The following FGGY variants were observed in gnomAD, a reference collection of about 807,000 sequenced individuals.
The protein encoded by FGGY is FGGY carbohydrate kinase domain-containing protein.
FGGY carries 72 observed loss-of-function variants against 71.3 expected under a neutral mutation model. The ratio of observed to expected loss-of-function variants is 1.01; its 90% CI spans 0.84 to 1.23. FGGY has a LOEUF of 1.23. FGGY is among the 50% of genes most tolerant of loss of function. FGGY has a pLI of 0.00. For missense variants in FGGY, 668 were observed against 682.3 expected (o/e 0.98, Z 0.23); for synonymous variants, 251 against 250.3 (o/e 1.00, Z -0.02).
intron 5 of FGGY, among the ~76,000 whole-genome samples, chr1:59,428,413 C>G (rs748110160): frequency 6.6e-6 from 1 of 152,178 alleles, no homozygotes; most frequent in African/African-American, 2.4e-5. Flanking sequence ...AGAACCGAAG[C>G]GCTGAACTGC....
chr1:59,637,915 TATG>T (rs1468231347), intron 10 of FGGY, among the ~76,000 whole-genome samples: 1 of 152,224 alleles, frequency 6.6e-6, no homozygotes, highest in East Asian at 1.9e-4. Context: ...GGACAGGGAT[TATG>T]ATATCTGTTT....
chr1:59,328,711 G>T (rs1466772424), intron 2 of FGGY, among the ~76,000 whole-genome samples: 1 of 151,974 alleles, frequency 6.6e-6, no homozygotes, highest in African/African-American at 2.4e-5. Context: ...TACATTTAAA[G>T]TGAGAGACTA....
chr1:59,613,349 A>G (rs2096711832), intron 9 of FGGY, among the ~76,000 whole-genome samples: 1 of 152,226 alleles, frequency 6.6e-6, no homozygotes, highest in Non-Finnish European at 1.5e-5. Flanking sequence ...AAACTCACTC[A>G]AAACCACTCA....
At chr1:59,673,019 C>A (rs1303948913) in intron 13 of FGGY, among the ~76,000 whole-genome samples, 1 of 152,148 alleles carries the variant, frequency 6.6e-6, no homozygotes, top group Admixed American at 6.5e-5. Flanking sequence ...TCTGTGATGA[C>A]CGCTACCCCA....
At chr1:59,657,413 C>A (rs1448561642) in intron 11 of FGGY, among the ~76,000 whole-genome samples, 1 of 152,132 alleles carries the variant, frequency 6.6e-6, no homozygotes, top group Admixed American at 6.5e-5. Context: ...CCCTAGGAGA[C>A]CTAATAGCAG....
At chr1:59,541,416 G>A (rs939801041) in intron 7 of FGGY, among the ~76,000 whole-genome samples, 1 of 152,144 alleles carries the variant, frequency 6.6e-6, no homozygotes, top group African/African-American at 2.4e-5. Context: ...CAGCACAGCA[G>A]GTGCTGCCAG....
chr1:59,377,168 A>G (rs1192093380), intron 4 of FGGY, among the ~76,000 whole-genome samples: 1 of 152,062 alleles, frequency 6.6e-6, no homozygotes, highest in African/African-American at 2.4e-5. Flanking sequence ...ATCCAATGTC[A>G]TGGTGAACAT....
chr1:59,547,588 T>C (rs1011061694), intron 7 of FGGY, among the ~76,000 whole-genome samples: 1 of 152,192 alleles, frequency 6.6e-6, no homozygotes, highest in Non-Finnish European at 1.5e-5. Flanking sequence ...ATCAAAGTGA[T>C]AATAACTACC....
intron 7 of FGGY, among the ~76,000 whole-genome samples, chr1:59,522,281 T>G (rs959728527): frequency 1.3e-5 from 2 of 152,256 alleles, no homozygotes; most frequent in Admixed American, 1.3e-4. Context: ...TGAATCTATT[T>G]GTGTGTAGGT....
intron 9 of FGGY, among the ~76,000 whole-genome samples, chr1:59,620,212 A>T (rs2096794490): frequency 6.6e-6 from 1 of 152,040 alleles, no homozygotes; most frequent in Non-Finnish European, 1.5e-5. Flanking sequence ...TAAAGCCAAA[A>T]AATAAAATAA....
At position 59,311,036 on chromosome 1, in the gene FGGY, A is replaced by T. The variant is rs571576030; in HGVS notation, c.-14-10500A>T. The stretch of plus-strand genomic sequence containing the variant: ...AATATCTAATGTTTCCCACAGTAGG[A>T]TTTATCGTGACATCAGGTAGTCTGT... On this transcript the variant is annotated intron_variant, in intron 1 of 15. Transcript: ENST00000303721. 6.2e-4 allele frequency among the ~76,000 whole-genome samples: 94 copies of T among 152,202 alleles called. 1 individual carries two copies. Among genetic ancestry groups the T allele is most frequent in the African/African-American group, 2.1e-3 (88 of 41,534 alleles).
intron 6 of FGGY, among the ~76,000 whole-genome samples, chr1:59,500,085 G>A (rs2094177839): frequency 6.6e-6 from 1 of 152,158 alleles, no homozygotes; most frequent in Non-Finnish European, 1.5e-5. Flanking sequence ...TCTAGTAAAT[G>A]CTTGGTTGTC....
chr1:59,511,134 T>C (rs151213079), intron 6 of FGGY, among the ~76,000 whole-genome samples: 31 of 152,242 alleles, frequency 2.0e-4, no homozygotes, highest in Non-Finnish European at 2.9e-5. Context: ...TCATATTCAA[T>C]TGTAGATAGA....
At chr1:59,307,477 T>C (rs2043624012) in intron 1 of FGGY, among the ~76,000 whole-genome samples, 1 of 152,180 alleles carries the variant, frequency 6.6e-6, no homozygotes. Context: ...AGAAAGAACA[T>C]AGGATTGAAA....
At chr1:59,323,374 G>T (rs563752677) in intron 2 of FGGY, among the ~76,000 whole-genome samples, 1 of 152,198 alleles carries the variant, frequency 6.6e-6, no homozygotes, top group African/African-American at 2.4e-5. Flanking sequence ...GACATCTGTC[G>T]ATAGCAATGC....
At chr1:59,484,736 G>C (rs746575650) in intron 6 of FGGY, among the ~76,000 whole-genome samples, 1 of 152,182 alleles carries the variant, frequency 6.6e-6, no homozygotes, top group Non-Finnish European at 1.5e-5. Flanking sequence ...ACCATGATAA[G>C]TGATGAGAGT....
chr1:59,747,357 G>A (rs2098208088), intron 14 of FGGY, among the ~76,000 whole-genome samples: 1 of 152,160 alleles, frequency 6.6e-6, no homozygotes, highest in Non-Finnish European at 1.5e-5. Context: ...AGAGGTTGAT[G>A]GCCTTACCTA....
intron 11 of FGGY, among the ~76,000 whole-genome samples, chr1:59,642,164 G>A (rs1266856416): frequency 6.6e-6 from 1 of 152,186 alleles, no homozygotes; most frequent in Non-Finnish European, 1.5e-5. Context: ...CTGTAAACTT[G>A]GGAGGAAGGG....
chr1:59,710,263 G>C (rs905557849), intron 14 of FGGY, among the ~76,000 whole-genome samples: 1 of 152,112 alleles, frequency 6.6e-6, no homozygotes, highest in Non-Finnish European at 1.5e-5. Context: ...ACTGAAACTG[G>C]ACCCCTTCCT....
Sources: gnomAD v4.1 joint callset for allele counts (sites outside exome capture counted in the v4.1 genomes callset) on GRCh38, gnomAD v4.1.1 for gene constraint, MANE v1.5 for transcripts, NCBI Gene and HGNC (gene_info 2026-07-23, HGNC 2026-07-21) for gene names.